RNF112: variants seen among roughly 807,000 people sequenced by gnomAD.
RNF112 encodes ring finger protein 112, also known as brain finger protein.
A neutral mutation model predicts 64.7 loss-of-function variants in RNF112; 34 were observed. The ratio of observed to expected loss-of-function variants is 0.53; its 90% CI spans 0.40 to 0.70. The LOEUF is 0.70. Ranked by LOEUF, RNF112 falls within the 30% of genes least tolerant of loss-of-function variation. The pLI, the probability that RNF112 is intolerant of heterozygous loss-of-function variation, is 0.00. For synonymous variants in RNF112, 345 were observed against 344.5 expected (o/e 1.00, Z -0.02); for missense variants, 734 against 850.0 (o/e 0.86, Z 1.70).
chr17:19,414,726 G>T, intron 9 of RNF112, 44 bp from the exon 10 acceptor site: 1 of 1,611,218 alleles, frequency 6.2e-7, no homozygotes, highest in South Asian at 1.1e-5. Context: ...AGACATGGGA[G>T]GCTGGACCTC....
rs958325825 is a variant in RNF112 at position 19,412,545 on chromosome 17, C to T, written c.143C>T (p.Pro48Leu). The change falls in exon 3 of 14, where the codon CCC becomes CTC. Residue 48 changes from proline (P) to leucine (L), a missense_variant. Pro to Leu is a moderately conservative substitution (Grantham distance 98). Transcript: ENST00000461366. The surrounding 1 kb of genome is among the most constrained non-coding windows in gnomAD (Gnocchi z 5.1). ...PKLELGLGPQ[P>L]MAPRELPTCS... is the part of the protein sequence containing the mutation. ...TTGGAGCTAGGCCTGGGGCCCCAGC[C>T]CATGGCGCCCCGGGAGCTCCCTACC... 1 of 1,613,492 alleles carries T rather than the reference C, an allele frequency of 6.2e-7. No individual in the cohort carries two copies. Among genetic ancestry groups the T allele is most frequent in the East Asian group, 2.2e-5 (1 of 44,848 alleles).
rs776413869 is a variant in RNF112, at chr17:19,412,957, C to T, written c.401C>T (p.Ala134Val). The T allele has an allele frequency of 1.6e-5, 26 of 1,597,520 alleles. No individual in the cohort carries two copies. The East Asian group carries it at 5.0e-4, about 31-fold the overall frequency. ...PALQETCPVR[A>V]EPLLLVRINA... ...GCCCAGGAGACGTGTCCTGTGAGGG[C>T]GGAGCCGCTGCTGCTGGTTCGCATC... The change falls in exon 4 of 14, where the codon GCG becomes GTG. Residue 134 changes from alanine (A) to valine (V), a missense_variant. Transcript: ENST00000461366. The surrounding 1 kb of genome is among the most constrained non-coding windows in gnomAD (Gnocchi z 5.1).
At position 19,412,326 on chromosome 17, in the gene RNF112, G is replaced by A. The variant is rs545557072; in HGVS notation, c.96-172G>A. Among the ~76,000 whole-genome samples the A allele has an allele frequency of 6.6e-6, 1 of 152,132 alleles. No homozygotes were observed. The highest frequency in any genetic ancestry group is 1.5e-5 in the Non-Finnish European group (1 of 68,020). On this transcript the variant is annotated intron_variant, in intron 2 of 13. Coordinates refer to ENST00000461366, the MANE Select transcript of RNF112 (RefSeq NM_007148.5). The surrounding 1 kb of genome is among the most constrained non-coding windows in gnomAD (Gnocchi z 5.1). The stretch of plus-strand genomic sequence containing the variant: ...GACACATGTCAGTGAGGAACGGGCA[G>A]AGCTTGGCCTCTCTGGGAGCAGCTC...
In RNF112 at chr17:19,414,131, C is replaced by T. The variant is rs780175476; in HGVS notation, c.862C>T (p.Leu288=). The T allele has an allele frequency of 1.9e-6, 3 of 1,604,450 alleles. No individual in the cohort carries two copies. Among genetic ancestry groups the T allele is most frequent in the Admixed American group, 1.7e-5 (1 of 59,872 alleles). ...STSQELKDTD[L]DYLEMFVHVA... ...CTCCCAGGAGCTGAAGGATACAGAC[C>T]TGGACTATCTGGAGGTAAAGAGACC... is the stretch of plus-strand genomic sequence containing the variant. Residue 288 remains leucine (L), a synonymous_variant, in exon 7 of 14, where the codon CTG becomes TTG. Coordinates refer to ENST00000461366, the MANE Select transcript of RNF112 (RefSeq NM_007148.5).
At chr17:19,414,315 G>T (rs1441557045) in intron 7 of RNF112, 134 bp from the exon 8 acceptor site, 3 of 1,156,628 alleles carry the variant, frequency 2.6e-6, no homozygotes, top group Non-Finnish European at 2.6e-6. Context: ...CTGGGGAGAG[G>T]CAGGAGAACC....
rs2072119 is a variant in RNF112, at chr17:19,416,841, T to G, written c.*666T>G. The G allele has an allele frequency of 0.14, 20,781 of 152,250 alleles. 3,445 individuals are homozygous for G. The highest frequency in any genetic ancestry group is 0.38 in the African/African-American group (15,580 of 41,380). The allele number at this position is 152,250 out of a possible 1,614,324, so 9.4% of individuals were successfully genotyped here. A position where few individuals can be genotyped will look rare whatever the true frequency, so the allele number is the denominator to read the frequency against. On this transcript the variant is annotated 3_prime_UTR_variant, in exon 14 of 14. Coordinates refer to ENST00000461366, the MANE Select transcript of RNF112 (RefSeq NM_007148.5). The stretch of plus-strand genomic sequence containing the variant: ...CTGTCTGTGCATCCTGAACCACTCT[T>G]TGCTGGGCCTCCGCAAGGGCCTCTC...
intron 10 of RNF112, 53 bp from the exon 11 acceptor site, chr17:19,414,985 C>T: frequency 3.8e-6 from 6 of 1,582,794 alleles, no homozygotes; most frequent in Non-Finnish European, 5.2e-6. Context: ...GCCTCTGACA[C>T]CCCTTCTCCT....
rs758240884 is a variant in RNF112 at position 19,413,648 on chromosome 17, C to G, written c.792C>G (p.Leu264=). The G allele has an allele frequency of 1.2e-6, 2 of 1,612,568 alleles. No individual in the cohort carries two copies. Among genetic ancestry groups the G allele is most frequent in the South Asian group, 2.2e-5 (2 of 90,696 alleles). The change falls in exon 6 of 14, where the codon CTC becomes CTG. Residue 264 remains leucine (L), a synonymous_variant. Coordinates refer to ENST00000461366, the MANE Select transcript of RNF112 (RefSeq NM_007148.5). The surrounding 1 kb of genome is among the most constrained non-coding windows in gnomAD (Gnocchi z 5.9). ...TGAGCAGGGAAACAAGGATCAAGCT[C>G]TGTGCTCTCACCACGATGCTGAGCT... is the stretch of plus-strand genomic sequence containing the variant. ...PELSRETRIK[L]CALTTMLSSY...
chr17:19,411,604 C>CTT (rs33912708), intron 1 of RNF112, 26 bp from the exon 2 acceptor site: 542 of 1,412,766 alleles, frequency 3.8e-4, no homozygotes, highest in Admixed American at 8.0e-4. Context: ...TGTTCTAAAT[C>CTT]TTTTTTTTTT....
Position 19,414,147 on chromosome 17 carries a change from TAA to T in RNF112, c.876+4_876+5del. On this transcript the variant is annotated splice_donor_region_variant and intron_variant, in intron 7 of 13. Coordinates refer to ENST00000461366, the MANE Select transcript of RNF112 (RefSeq NM_007148.5). ...GATACAGACCTGGACTATCTGGAGG[TAA>T]AGAGACCTCTGATGTTGGGGCATCC... 1 of 1,602,310 alleles carries T rather than the reference TAA, an allele frequency of 6.2e-7. No individual in the cohort carries two copies.
Position 19,412,725 on chromosome 17 carries a change from G to T in RNF112, c.323G>T (p.Arg108Leu). The change falls in exon 3 of 14, where the codon CGG (arginine) becomes CTG (leucine). Residue 108 changes from arginine to leucine, a missense_variant. Arg to Leu is a moderately radical substitution (Grantham distance 102, BLOSUM62 -2). Transcript: ENST00000461366. The surrounding 1 kb of genome is among the most constrained non-coding windows in gnomAD (Gnocchi z 5.1). ...RKICKQKRGLRSLGEKMKLLP... is the reference protein window; with the variant it reads ...RKICKQKRGLLSLGEKMKLLP... ...ATATGCAAGCAGAAGAGGGGCCTCC[G>T]GAGCCTGGGCGAGAAGATGAAGCTC... is the stretch of plus-strand genomic sequence containing the variant. The T allele has an allele frequency of 6.2e-7, 1 of 1,613,084 alleles. No homozygotes were observed.
intron 6 of RNF112, 58 bp from the exon 7 acceptor site, chr17:19,414,037 C>G (rs888345197): frequency 1.3e-6 from 2 of 1,497,464 alleles, no homozygotes; most frequent in African/African-American, 1.4e-5. Flanking sequence ...AGGGCCTTCC[C>G]CAGTGAAGTC....
chr17:19,411,674 A>C lies in RNF112; in HGVS notation c.95+4A>C, dbSNP rs1382573253. On this transcript the variant is annotated splice_donor_region_variant and intron_variant, in intron 2 of 13. Coordinates refer to ENST00000461366, the MANE Select transcript of RNF112 (RefSeq NM_007148.5). ...TGGGAAACAGCGGCAACAGTTGGTA[A>C]GTAGCAGGGCCTTCCAGGCTGGGAT... 1.3e-6 allele frequency: 2 copies of C among 1,578,654 alleles called. No homozygotes were observed. Among genetic ancestry groups the C allele is most frequent in the Non-Finnish European group, 1.7e-6 (2 of 1,162,580 alleles).
chr17:19,416,054 G>A lies in RNF112; in HGVS notation c.1775G>A (p.Gly592Glu). 1 of 1,559,738 alleles carries A rather than the reference G, an allele frequency of 6.4e-7. No individual in the cohort carries two copies. Among genetic ancestry groups the A allele is most frequent in the Non-Finnish European group, 8.7e-7 (1 of 1,153,744 alleles). Residue 592 changes from glycine to glutamate, a missense_variant, in exon 14 of 14, where the codon GGG becomes GAG. Coordinates refer to ENST00000461366, the MANE Select transcript of RNF112 (RefSeq NM_007148.5). ...VAAGAAVGAT[G>E]AAVVGGGVGA... ...GCTGGAGCTGCCGTGGGGGCCACAG[G>A]GGCCGCTGTGGTTGGGGGTGGCGTG...
Position 19,416,228 on chromosome 17 carries a change from G to A in RNF112, c.*53G>A. ...AGAGATGTCAGGTGGGGATGAAGAAGAGGGGCAGGTCGGGGGAGGGTGATG... is the reference window on the plus strand; with the variant it reads ...AGAGATGTCAGGTGGGGATGAAGAAAAGGGGCAGGTCGGGGGAGGGTGATG... On this transcript the variant is annotated 3_prime_UTR_variant, in exon 14 of 14. Transcript: ENST00000461366. 8 of 1,466,262 alleles carry A rather than the reference G, an allele frequency of 5.5e-6. No individual in the cohort carries two copies. The highest frequency in any genetic ancestry group is 7.3e-6 in the Non-Finnish European group (8 of 1,089,292). The allele number at this position is 1,466,262 out of a possible 1,614,324, so 90.8% of individuals were successfully genotyped here. A position where few individuals can be genotyped will look rare whatever the true frequency, so the allele number is the denominator to read the frequency against.
chr17:19,413,709 C>A lies in RNF112; in HGVS notation c.825+28C>A. 1 of 1,508,336 alleles carries A rather than the reference C, an allele frequency of 6.6e-7. No individual in the cohort carries two copies. Among genetic ancestry groups the A allele is most frequent in the Non-Finnish European group, 9.1e-7 (1 of 1,104,010 alleles). 93.4% of individuals were successfully genotyped at this position (1,508,336 alleles called of 1,614,324 possible). A position where few individuals can be genotyped will look rare whatever the true frequency, so the allele number is the denominator to read the frequency against. On this transcript the variant is annotated intron_variant, in intron 6 of 13. Coordinates refer to ENST00000461366, the MANE Select transcript of RNF112 (RefSeq NM_007148.5). This position sits in a 1 kb window ranked among gnomAD's most constrained non-coding sequence, Gnocchi z 5.9. Reference sequence around the variant, plus strand: ...GATGGGGGGCGCTGATGTTGGCATCCCCACCCCACACACCCTTCTCCAGCT... The same window carrying A: ...GATGGGGGGCGCTGATGTTGGCATCACCACCCCACACACCCTTCTCCAGCT...
rs764228080 is a variant in RNF112 at position 19,413,072 on chromosome 17, C to T, written c.516C>T (p.Leu172=). 2.4e-5 allele frequency: 39 copies of T among 1,613,276 alleles called. No homozygotes were observed. The highest frequency in any genetic ancestry group is 1.6e-4 in the South Asian group (15 of 91,040). Residue 172 remains leucine, a synonymous_variant, in exon 4 of 14, where the codon CTC becomes CTT. Coordinates refer to ENST00000461366, the MANE Select transcript of RNF112 (RefSeq NM_007148.5). This position sits in a 1 kb window ranked among gnomAD's most constrained non-coding sequence, Gnocchi z 5.9. ...CCAGGGACACCCCAGTCTGCCTCCT[C>T]GCTGTCCTGGGGGAGCAGCACTCAG... ...PLARDTPVCL[L]AVLGEQHSGK... is the part of the protein sequence containing the mutation.
At chr17:19,414,740 G>C (rs1310241504) in intron 9 of RNF112, 30 bp from the exon 10 acceptor site, 6 of 1,611,908 alleles carry the variant, frequency 3.7e-6, no homozygotes, top group African/African-American at 2.7e-5. Flanking sequence ...GGACCTCCTA[G>C]CTCAGAGCAC....
In RNF112 at chr17:19,415,001, A is replaced by G; in HGVS notation, c.1127-37A>G. The G allele has an allele frequency of 1.3e-6, 2 of 1,581,104 alleles. No homozygotes were observed. The highest frequency in any genetic ancestry group is 1.7e-6 in the Non-Finnish European group (2 of 1,160,598). Reference sequence around the variant, plus strand: ...CCTCTGACACCCCTTCTCCTCCCAAAGCCCGCAGTCTCTCAGCATGCACAT... The same window carrying G: ...CCTCTGACACCCCTTCTCCTCCCAAGGCCCGCAGTCTCTCAGCATGCACAT... On this transcript the variant is annotated intron_variant, in intron 10 of 13. Coordinates refer to ENST00000461366, the MANE Select transcript of RNF112 (RefSeq NM_007148.5). This position sits in a 1 kb window ranked among gnomAD's most constrained non-coding sequence, Gnocchi z 7.8.
Sources: allele counts gnomAD v4.1 joint callset (sites outside exome capture counted in the v4.1 genomes callset), GRCh38; gene constraint gnomAD v4.1.1; non-coding constraint Gnocchi (gnomAD v3.1); transcripts MANE v1.5; gene names NCBI Gene and HGNC (gene_info 2026-07-23, HGNC 2026-07-21).